PPM1E: variants seen among roughly 807,000 people sequenced by gnomAD.
The protein encoded by PPM1E is protein phosphatase, Mg2+/Mn2+ dependent 1E, also known as protein phosphatase 1E.
In PPM1E, 20 loss-of-function variants were observed where a neutral mutation model predicts 65.9. The ratio of observed to expected loss-of-function variants is 0.30; its 90% confidence interval spans 0.21 to 0.44. The LOEUF is 0.44. Among genes scored for constraint, PPM1E ranks in the 20% least tolerant of loss-of-function variants. PPM1E has a pLI of 1.00. For synonymous variants in PPM1E, 352 were observed against 374.9 expected, an observed-to-expected ratio of 0.94 and a Z score of 0.70; for missense variants, 713 against 953.1, an observed-to-expected ratio of 0.75 and a Z score of 3.32.
chr17:58,810,924 C>A (rs1215766375), intron 1 of PPM1E, among the ~76,000 whole-genome samples: 1 of 152,138 alleles, frequency 6.6e-6, no homozygotes, highest in East Asian at 1.9e-4. Context: ...GTGGCACAAT[C>A]TTGGCTCTGT....
chr17:58,765,839 C>G (rs1393137297), intron 1 of PPM1E, among the ~76,000 whole-genome samples: 1 of 150,010 alleles, frequency 6.7e-6, no homozygotes, highest in East Asian at 1.9e-4. Flanking sequence ...CTTTTTACCA[C>G]AAAGCACAAC....
chr17:58,894,352 T>G (rs780032972), intron 1 of PPM1E, among the ~76,000 whole-genome samples: 52 of 152,268 alleles, frequency 3.4e-4, no homozygotes, highest in Non-Finnish European at 5.7e-4. Flanking sequence ...AATTAGTGAT[T>G]ATTACCATTT....
At chr17:58,909,084 G>A (rs1442235458) in intron 1 of PPM1E, among the ~76,000 whole-genome samples, 1 of 151,716 alleles carries the variant, frequency 6.6e-6, no homozygotes, top group Non-Finnish European at 1.5e-5. Context: ...TTCTTCTTTT[G>A]TGCCCTTTTT....
intron 1 of PPM1E, among the ~76,000 whole-genome samples, chr17:58,822,128 C>T (rs1012971643): frequency 6.6e-6 from 1 of 151,886 alleles, no homozygotes; most frequent in African/African-American, 2.4e-5. Flanking sequence ...ATTACTAAAA[C>T]AAGAGATGGA....
chr17:58,847,779 T>C (rs1437860294), intron 1 of PPM1E, among the ~76,000 whole-genome samples: 2 of 152,186 alleles, frequency 1.3e-5, no homozygotes, highest in Admixed American at 6.5e-5. Flanking sequence ...CATATGAACT[T>C]GAAAGTAGTT....
At chr17:58,931,185 G>A (rs12950808) in intron 1 of PPM1E, among the ~76,000 whole-genome samples, 14 of 151,680 alleles carry the variant, frequency 9.2e-5, no homozygotes, top group South Asian at 6.3e-4. Flanking sequence ...TCGGGAGTTC[G>A]AGACCAGCCT....
At chr17:58,759,246 A>G (rs2049799751) in intron 1 of PPM1E, among the ~76,000 whole-genome samples, 1 of 152,132 alleles carries the variant, frequency 6.6e-6, no homozygotes, top group Non-Finnish European at 1.5e-5. Flanking sequence ...TGACAGTGAG[A>G]CGTTGTCTCA....
intron 1 of PPM1E, among the ~76,000 whole-genome samples, chr17:58,781,247 T>G (rs2050047091): frequency 6.6e-6 from 1 of 151,618 alleles, no homozygotes; most frequent in Non-Finnish European, 1.5e-5. Flanking sequence ...TTCAAGTGAT[T>G]CTCCTGCCCC....
intron 1 of PPM1E, among the ~76,000 whole-genome samples, chr17:58,944,482 T>C (rs919508138): frequency 6.6e-6 from 1 of 152,208 alleles, no homozygotes; most frequent in Middle Eastern, 3.4e-3. Flanking sequence ...TAGCAGTCAC[T>C]CCTCATTCCC....
intron 3 of PPM1E, among the ~76,000 whole-genome samples, chr17:58,969,280 A>T (rs184756511): frequency 5.3e-5 from 8 of 152,212 alleles, no homozygotes; most frequent in Non-Finnish European, 7.4e-5. Flanking sequence ...AACAACTTTC[A>T]CAGAGAGAGG....
chr17:58,807,591 A>G (rs1014355343), intron 1 of PPM1E, among the ~76,000 whole-genome samples: 3 of 152,214 alleles, frequency 2.0e-5, no homozygotes, highest in Non-Finnish European at 4.4e-5. Flanking sequence ...TATGAATGAC[A>G]TATCAATTTT....
At chr17:58,839,207 T>G (rs2050692787) in intron 1 of PPM1E, among the ~76,000 whole-genome samples, 1 of 152,120 alleles carries the variant, frequency 6.6e-6, no homozygotes, top group Admixed American at 6.6e-5. Flanking sequence ...TGGTGGCTTC[T>G]GCCTGTAATC....
intron 1 of PPM1E, chr17:58,835,929 A>G (rs1209242451): frequency 6.6e-6 from 1 of 152,122 alleles, no homozygotes; most frequent in African/African-American, 2.4e-5. Context: ...TATACTAAAA[A>G]TGATAGAGAA....
intron 1 of PPM1E, among the ~76,000 whole-genome samples, chr17:58,933,121 T>C (rs185040613): frequency 6.6e-6 from 1 of 152,334 alleles, no homozygotes; most frequent in East Asian, 1.9e-4. Flanking sequence ...GTATGCTCTA[T>C]GATGTTTGCA....
chr17:58,771,002 G>A (rs1209193925), intron 1 of PPM1E, among the ~76,000 whole-genome samples: 1 of 151,866 alleles, frequency 6.6e-6, no homozygotes, highest in African/African-American at 2.4e-5. Flanking sequence ...GACTACAGGC[G>A]CATGCCACCA....
intron 1 of PPM1E, among the ~76,000 whole-genome samples, chr17:58,777,448 T>C (rs1400336878): frequency 1.3e-5 from 2 of 152,184 alleles, no homozygotes; most frequent in African/African-American, 2.4e-5. Context: ...TGTCATTTCA[T>C]TGAGAGTAGA....
chr17:58,925,312 G>A (rs1189754971), intron 1 of PPM1E, among the ~76,000 whole-genome samples: 3 of 151,216 alleles, frequency 2.0e-5, no homozygotes, highest in Admixed American at 1.3e-4. Context: ...TTTTTTTTGC[G>A]TTTCTCTAAT....
intron 1 of PPM1E, among the ~76,000 whole-genome samples, chr17:58,876,697 A>G (rs1488190851): frequency 6.6e-6 from 1 of 152,256 alleles, no homozygotes; most frequent in Non-Finnish European, 1.5e-5. Context: ...TTGGGAAAGT[A>G]GCTAAAGAAG....
At chr17:58,900,942 A>G (rs1440825608) in intron 1 of PPM1E, among the ~76,000 whole-genome samples, 3 of 152,158 alleles carry the variant, frequency 2.0e-5, no homozygotes, top group Non-Finnish European at 4.4e-5. Context: ...GTACCTTACA[A>G]CTATCCTTTG....
Sources: allele counts gnomAD v4.1 joint callset (sites outside exome capture counted in the v4.1 genomes callset), GRCh38; gene constraint gnomAD v4.1.1; transcripts MANE v1.5; gene names NCBI Gene and HGNC (gene_info 2026-07-23, HGNC 2026-07-21).